Variants in ERBB4 observed in about 807,000 individuals in gnomAD.
The protein encoded by ERBB4 is receptor tyrosine-protein kinase erbB-4.
ERBB4 carries 42 observed loss-of-function variants against 158.0 expected under a neutral mutation model. The ratio of observed to expected loss-of-function variants is 0.27; its 90% CI spans 0.21 to 0.34. The LOEUF is 0.34. ERBB4 is among the 10% of genes least tolerant of loss of function. ERBB4 has a pLI of 1.00. For missense variants in ERBB4, 1,333 were observed against 1,624.1 expected (o/e 0.82, Z 3.08); for synonymous variants, 583 against 558.7 (o/e 1.04, Z -0.61).
chr2:211,883,953 G>A (rs570388608), intron 3 of ERBB4, among the ~76,000 whole-genome samples: 1 of 152,002 alleles, frequency 6.6e-6, no homozygotes, highest in African/African-American at 2.4e-5. Flanking sequence ...TCCCCGGTGA[G>A]GCCACTAATT....
chr2:212,266,443 A>G (rs1343983994), intron 1 of ERBB4, among the ~76,000 whole-genome samples: 1 of 151,938 alleles, frequency 6.6e-6, no homozygotes, highest in African/African-American at 2.4e-5. Context: ...GGGTAACTTG[A>G]TGGTTCTTTC....
chr2:211,595,262 G>A (rs1169796510), intron 19 of ERBB4, among the ~76,000 whole-genome samples: 2 of 152,142 alleles, frequency 1.3e-5, no homozygotes, highest in Non-Finnish European at 2.9e-5. Context: ...CATTGTGTTG[G>A]CTGCTGAAGA....
chr2:212,469,415 A>C (rs113089222), intron 1 of ERBB4, among the ~76,000 whole-genome samples: 7 of 152,158 alleles, frequency 4.6e-5, no homozygotes, highest in Admixed American at 1.3e-4. Context: ...CACTAACTGT[A>C]AACTTCCTTT....
In ERBB4 at chr2:212,018,970, C is replaced by G. The variant is rs188199287; in HGVS notation, c.235-71354G>C. Among the ~76,000 whole-genome samples, 583 of 152,098 alleles carry G rather than the reference C, an allele frequency of 3.8e-3. 1 individual carries two copies. The highest frequency in any genetic ancestry group is 0.015 in the South Asian group (73 of 4,810). On this transcript the variant is annotated intron_variant, in intron 2 of 27. Transcript: ENST00000342788. ...CATTACATTAAAAAGTGAGGGGGAG[C>G]GGTGGTTATGGGAGCTCATAACTAC...
chr2:212,204,316 T>C (rs1209412745), intron 1 of ERBB4, among the ~76,000 whole-genome samples: 3 of 152,326 alleles, frequency 2.0e-5, no homozygotes, highest in Non-Finnish European at 1.5e-5. Context: ...TACAAAATAT[T>C]ATTTTGTTTT....
chr2:212,515,282 T>C (rs1233093129), intron 1 of ERBB4, among the ~76,000 whole-genome samples: 1 of 152,138 alleles, frequency 6.6e-6, no homozygotes, highest in Non-Finnish European at 1.5e-5. Flanking sequence ...AATTCGTACA[T>C]GAGAGCAGGT....
intron 2 of ERBB4, among the ~76,000 whole-genome samples, chr2:212,012,415 ATT>A (rs34430050): frequency 0.016 from 2,018 of 126,466 alleles, 16 homozygotes; most frequent in African/African-American, 0.028. Flanking sequence ...TAAGAACTGC[ATT>A]TTTTTTTTTT....
At chr2:212,413,030 C>A (rs111237748) in intron 1 of ERBB4, among the ~76,000 whole-genome samples, 1,711 of 151,350 alleles carry the variant, frequency 0.011, 14 homozygotes, top group Middle Eastern at 0.038. Context: ...TGCAGTGGTG[C>A]GATCTCGGCT....
At chr2:212,025,720 C>T (rs1002827313) in intron 2 of ERBB4, among the ~76,000 whole-genome samples, 1 of 151,642 alleles carries the variant, frequency 6.6e-6, no homozygotes, top group Non-Finnish European at 1.5e-5. Flanking sequence ...AAACTGAAAA[C>T]TAGTAAATCT....
chr2:211,841,944 G>T (rs528660876), intron 3 of ERBB4, among the ~76,000 whole-genome samples: 2 of 151,994 alleles, frequency 1.3e-5, no homozygotes, highest in African/African-American at 4.8e-5. Context: ...GGACATTTTT[G>T]CCTGACAATT....
At chr2:211,906,024 T>G (rs1376037144) in intron 3 of ERBB4, among the ~76,000 whole-genome samples, 1 of 151,494 alleles carries the variant, frequency 6.6e-6, no homozygotes, top group African/African-American at 2.4e-5. Flanking sequence ...ACAACAGAGG[T>G]AGCACACCTA....
intron 1 of ERBB4, among the ~76,000 whole-genome samples, chr2:212,377,168 A>G (rs1018457069): frequency 2.7e-5 from 4 of 150,182 alleles, no homozygotes; most frequent in African/African-American, 9.7e-5. Flanking sequence ...AAATGACTGA[A>G]GTTTGGAAAG....
At chr2:212,440,513 T>C (rs1016634118) in intron 1 of ERBB4, among the ~76,000 whole-genome samples, 11 of 152,166 alleles carry the variant, frequency 7.2e-5, no homozygotes, top group Non-Finnish European at 1.3e-4. Flanking sequence ...ATATATCCTA[T>C]TAGTTCTATC....
At position 211,623,921 on chromosome 2, in the gene ERBB4, C is replaced by A. The variant is rs2125857808; in HGVS notation, c.2202+1G>T. 1 of 1,613,954 alleles carries A rather than the reference C, an allele frequency of 6.2e-7. No individual in the cohort carries two copies. ...AACGATATGCGTTGTTTTTTACTTA[C>A]TTTATAAACCGTTCCAAAAGCACCT... On this transcript the variant is annotated splice_donor_variant, in intron 18 of 27. Coordinates refer to ENST00000342788, the MANE Select transcript of ERBB4 (RefSeq NM_005235.3). LOFTEE classifies it high-confidence loss of function.
At chr2:211,398,475 T>A (rs781068709) in intron 25 of ERBB4, among the ~76,000 whole-genome samples, 2 of 152,116 alleles carry the variant, frequency 1.3e-5, no homozygotes, top group African/African-American at 2.4e-5. Flanking sequence ...GTAACAACCT[T>A]CTAGCTGTTC....
intron 1 of ERBB4, among the ~76,000 whole-genome samples, chr2:212,510,279 A>T (rs1020957467): frequency 6.7e-6 from 1 of 149,400 alleles, no homozygotes; most frequent in East Asian, 1.9e-4. Flanking sequence ...AGTGATTTCC[A>T]ATACTATTGC....
chr2:211,530,943 A>C (rs2066482215), intron 20 of ERBB4, among the ~76,000 whole-genome samples: 1 of 152,100 alleles, frequency 6.6e-6, no homozygotes, highest in Admixed American at 6.5e-5. Context: ...CCAAAACAGC[A>C]TGGTACTCAC....
chr2:211,723,566 CT>C (rs2074171539), intron 6 of ERBB4, among the ~76,000 whole-genome samples: 1 of 152,010 alleles, frequency 6.6e-6, no homozygotes, highest in African/African-American at 2.4e-5. Context: ...TGACAATTCC[CT>C]GATGATGGTC....
intron 1 of ERBB4, among the ~76,000 whole-genome samples, chr2:212,278,044 T>C (rs2085611733): frequency 6.6e-6 from 1 of 151,626 alleles, no homozygotes; most frequent in East Asian, 1.9e-4. Context: ...ATTGAAAAAA[T>C]GTCTCTTTTC....
Sources: gnomAD v4.1 joint callset for allele counts (sites outside exome capture counted in the v4.1 genomes callset) on GRCh38, gnomAD v4.1.1 for gene constraint, MANE v1.5 for transcripts, NCBI Gene and HGNC (gene_info 2026-07-23, HGNC 2026-07-21) for gene names.